The following GRIK3 variants were observed in gnomAD, a reference collection of about 807,000 sequenced individuals.
The protein encoded by GRIK3 is glutamate ionotropic receptor kainate type subunit 3.
GRIK3 carries 29 observed loss-of-function variants against 102.5 expected under a neutral mutation model. That is an observed-to-expected ratio of 0.28 (90% CI 0.21 to 0.39). The LOEUF (loss-of-function observed/expected upper bound fraction) is 0.39. Ranked by LOEUF, GRIK3 falls within the 10% of genes least tolerant of loss-of-function variation. GRIK3 has a pLI of 1.00. For synonymous variants in GRIK3, 511 were observed against 504.9 expected (o/e 1.01, Z -0.16); for missense variants, 908 against 1,252.4 (o/e 0.73, Z 4.15).
intron 1 of GRIK3, among the ~76,000 whole-genome samples, chr1:37,021,649 T>C (rs1273711065): frequency 6.6e-6 from 1 of 151,940 alleles, no homozygotes; most frequent in Admixed American, 6.6e-5. Flanking sequence ...GCAGGAAAAA[T>C]GGTCATGTAG....
intron 1 of GRIK3, among the ~76,000 whole-genome samples, chr1:36,942,772 G>GC (rs1641741859): frequency 6.6e-6 from 1 of 151,974 alleles, no homozygotes; most frequent in Admixed American, 6.6e-5. Context: ...GCCAAACCCC[G>GC]CCCCCATGGT....
At chr1:36,995,307 G>A (rs187306710) in intron 1 of GRIK3, among the ~76,000 whole-genome samples, 95 of 152,244 alleles carry the variant, frequency 6.2e-4, no homozygotes, top group African/African-American at 1.8e-3. Flanking sequence ...CACATCTGTC[G>A]AAGGAGCAGC....
intron 1 of GRIK3, among the ~76,000 whole-genome samples, chr1:36,968,401 C>T (rs1642103111): frequency 6.6e-6 from 1 of 152,162 alleles, no homozygotes; most frequent in African/African-American, 2.4e-5. Context: ...GGGAGTGACA[C>T]TCATTCCCAT....
intron 1 of GRIK3, among the ~76,000 whole-genome samples, chr1:37,027,305 G>A (rs770580284): frequency 1.2e-4 from 19 of 152,128 alleles, no homozygotes; most frequent in Non-Finnish European, 2.5e-4. Context: ...TGAACAACCT[G>A]TTGTCCTCAA....
At chr1:36,927,295 TA>T (rs1392375115) in intron 1 of GRIK3, among the ~76,000 whole-genome samples, 2 of 152,224 alleles carry the variant, frequency 1.3e-5, no homozygotes, top group African/African-American at 4.8e-5. Flanking sequence ...TTTCTCCATC[TA>T]CCTCCAGAAG....
chr1:36,830,810 C>CAAAAAAAAAAAAA (rs948901521), intron 10 of GRIK3, among the ~76,000 whole-genome samples: 1 of 41,354 alleles, frequency 2.4e-5, no homozygotes, highest in Non-Finnish European at 5.1e-5. Flanking sequence ...GACTCTGTCT[C>CAAAAAAAAAAAAA]AAAAAAAAAA....
At chr1:36,805,316 G>A in intron 14 of GRIK3, 79 bp from the exon 15 acceptor site, 2 of 1,457,644 alleles carry the variant, frequency 1.4e-6, no homozygotes, top group Non-Finnish European at 1.9e-6. Context: ...ACCCTGGTCA[G>A]GTCACCACCA....
At chr1:36,878,205 G>A (rs1557711107) in intron 3 of GRIK3, among the ~76,000 whole-genome samples, 2 of 152,222 alleles carry the variant, frequency 1.3e-5, no homozygotes, top group Non-Finnish European at 2.9e-5. Flanking sequence ...GACAGATAAT[G>A]ATTCACAGTG....
chr1:36,852,034 G>A (rs1327622876), intron 8 of GRIK3, among the ~76,000 whole-genome samples: 1 of 152,144 alleles, frequency 6.6e-6, no homozygotes, highest in African/African-American at 2.4e-5. Flanking sequence ...GAGGAGGAAG[G>A]GTGCTCTCCA....
At chr1:37,013,406 G>T (rs981993050) in intron 1 of GRIK3, among the ~76,000 whole-genome samples, 2 of 152,242 alleles carry the variant, frequency 1.3e-5, no homozygotes, top group African/African-American at 4.8e-5. Context: ...ACATCTGGGT[G>T]CTTGGATGAG....
chr1:36,835,627 G>A (rs1447589536), intron 10 of GRIK3, among the ~76,000 whole-genome samples: 2 of 152,172 alleles, frequency 1.3e-5, no homozygotes, highest in African/African-American at 2.4e-5. Context: ...CTGCTCTGCA[G>A]GCTCCCAGGC....
At chr1:36,834,443 C>T (rs1405087756) in intron 10 of GRIK3, among the ~76,000 whole-genome samples, 1 of 152,126 alleles carries the variant, frequency 6.6e-6, no homozygotes, top group Non-Finnish European at 1.5e-5. Context: ...TGGAAAACAG[C>T]ACCATGAAAA....
intron 1 of GRIK3, among the ~76,000 whole-genome samples, chr1:36,956,971 C>T (rs961788185): frequency 3.3e-5 from 5 of 152,278 alleles, no homozygotes; most frequent in Non-Finnish European, 7.3e-5. Context: ...CCACCCGCAT[C>T]ACTCTGGGCG....
rs370896586 is a variant in GRIK3 at position 36,801,844 on chromosome 1, G to T, written c.*7C>A. ...CCCCAGGCCTGAGGTCCCCACCCCA[G>T]CTGTGCCTAGGGGAACACAGGGGCT... is the stretch of plus-strand genomic sequence containing the variant. On this transcript the variant is annotated 3_prime_UTR_variant, in exon 16 of 16. Coordinates refer to ENST00000373091, the MANE Select transcript of GRIK3 (RefSeq NM_000831.4). 3.1e-6 allele frequency: 5 copies of T among 1,590,278 alleles called. No homozygotes were observed. The highest frequency in any genetic ancestry group is 1.7e-5 in the Admixed American group (1 of 58,144).
intron 1 of GRIK3, among the ~76,000 whole-genome samples, chr1:37,001,001 C>T (rs933548084): frequency 6.6e-5 from 10 of 152,228 alleles, no homozygotes; most frequent in African/African-American, 2.4e-4. Flanking sequence ...TACCTGGCTA[C>T]AGAGGTTAGG....
chr1:36,875,015 G>T (rs72668190), intron 3 of GRIK3, among the ~76,000 whole-genome samples: 1 of 152,268 alleles, frequency 6.6e-6, no homozygotes, highest in Non-Finnish European at 1.5e-5. Context: ...AGTGAATCAT[G>T]GTTGTTGGAA....
intron 5 of GRIK3, among the ~76,000 whole-genome samples, chr1:36,866,567 A>T (rs924409373): frequency 3.3e-5 from 5 of 152,216 alleles, no homozygotes; most frequent in African/African-American, 1.2e-4. Context: ...AGTTTATTTA[A>T]CACTTACACT....
At chr1:37,031,297 C>A (rs1216050838) in intron 1 of GRIK3, among the ~76,000 whole-genome samples, 1 of 151,122 alleles carries the variant, frequency 6.6e-6, no homozygotes, top group Admixed American at 6.6e-5. Flanking sequence ...CTCTCCCTCA[C>A]TCTCTTTTGT....
At chr1:37,018,219 A>G (rs1448231338) in intron 1 of GRIK3, among the ~76,000 whole-genome samples, 1 of 152,190 alleles carries the variant, frequency 6.6e-6, no homozygotes, top group Non-Finnish European at 1.5e-5. Flanking sequence ...TGATTGGCAT[A>G]CTGCACGGTG....
Sources: gnomAD v4.1 joint callset for allele counts (sites outside exome capture counted in the v4.1 genomes callset) on GRCh38, gnomAD v4.1.1 for gene constraint, MANE v1.5 for transcripts, NCBI Gene and HGNC (gene_info 2026-07-23, HGNC 2026-07-21) for gene names.